The following SOX6 variants were observed in gnomAD, a reference collection of about 807,000 sequenced individuals.
SOX6 encodes the protein transcription factor SOX-6.
SOX6 carries 11 observed loss-of-function variants against 97.8 expected under a neutral mutation model. The observed-to-expected ratio is 0.11, with a 90% CI of 0.07 to 0.19. SOX6 has a LOEUF of 0.19. Among genes scored for constraint, SOX6 ranks in the 10% least tolerant of loss-of-function variants. SOX6 has a pLI of 1.00. For synonymous variants in SOX6, 360 were observed against 371.4 expected (o/e 0.97, Z 0.35); for missense variants, 810 against 1,039.5 (o/e 0.78, Z 3.04).
At chr11:16,193,212 C>T (rs1453129371) in intron 4 of SOX6, among the ~76,000 whole-genome samples, 1 of 152,010 alleles carries the variant, frequency 6.6e-6, no homozygotes, top group Admixed American at 6.6e-5. Flanking sequence ...TCCTTTCTAT[C>T]TCTAATAAAA....
At chr11:16,259,945 A>ATATATGTGTGTGTG (rs3059123) in intron 3 of SOX6, among the ~76,000 whole-genome samples, 2 of 149,038 alleles carry the variant, frequency 1.3e-5, no homozygotes, top group Non-Finnish European at 3.0e-5. Flanking sequence ...TGTCCCAAAT[A>ATATATGTGTGTGTG]TGTGTGTGTG....
intron 3 of SOX6, among the ~76,000 whole-genome samples, chr11:16,698,946 G>A (rs1501453): frequency 5.4e-4 from 83 of 152,308 alleles, no homozygotes; most frequent in African/African-American, 1.9e-3. Context: ...TTGAAATATT[G>A]CAAGAATTAT....
chr11:16,513,989 T>A (rs373747105), intron 4 of SOX6, among the ~76,000 whole-genome samples: 13 of 151,830 alleles, frequency 8.6e-5, no homozygotes, highest in African/African-American at 2.9e-4. Context: ...TGCGGGAGAA[T>A]TGCTTGAGCA....
chr11:16,553,005 A>G (rs1205446266), intron 4 of SOX6, among the ~76,000 whole-genome samples: 4 of 152,258 alleles, frequency 2.6e-5, no homozygotes, highest in Non-Finnish European at 4.4e-5. Flanking sequence ...CATTTTTGAT[A>G]TAAGTATTAC....
chr11:15,995,759 A>ACATATT (rs1854205556), intron 13 of SOX6, among the ~76,000 whole-genome samples: 2 of 152,182 alleles, frequency 1.3e-5, no homozygotes, highest in Non-Finnish European at 2.9e-5. Flanking sequence ...CTTACGGGGA[A>ACATATT]ACAAAATTAC....
intron 4 of SOX6, among the ~76,000 whole-genome samples, chr11:16,490,864 T>C (rs1373494436): frequency 6.6e-6 from 1 of 152,080 alleles, no homozygotes; most frequent in East Asian, 1.9e-4. Context: ...TTGACATATT[T>C]ATAATGGTAC....
At chr11:16,185,371 C>T (rs149053736) in intron 5 of SOX6, among the ~76,000 whole-genome samples, 1 of 152,300 alleles carries the variant, frequency 6.6e-6, no homozygotes, top group East Asian at 1.9e-4. Context: ...ATATTTATTT[C>T]TTCTTAGCAA....
intron 4 of SOX6, among the ~76,000 whole-genome samples, chr11:16,502,816 A>G (rs1860728324): frequency 6.6e-6 from 1 of 152,212 alleles, no homozygotes; most frequent in South Asian, 2.1e-4. Flanking sequence ...TTCATAGCTA[A>G]AAACTCCCCA....
chr11:16,531,895 T>G (rs1861241703), intron 4 of SOX6, among the ~76,000 whole-genome samples: 1 of 151,972 alleles, frequency 6.6e-6, no homozygotes, highest in Non-Finnish European at 1.5e-5. Flanking sequence ...TTTCAAATAT[T>G]TTTCCTCATG....
chr11:16,408,192 T>C (rs1858724931), intron 1 of SOX6, among the ~76,000 whole-genome samples: 2 of 152,198 alleles, frequency 1.3e-5, no homozygotes, highest in African/African-American at 4.8e-5. Flanking sequence ...TAATACTGCA[T>C]TCTAAACAAA....
intron 3 of SOX6, chr11:16,313,281 T>C (rs1855661487): frequency 6.6e-6 from 1 of 152,178 alleles, no homozygotes; most frequent in South Asian, 2.1e-4. Context: ...TACAGATCAG[T>C]TCTTGTAGAT....
chr11:15,982,051 G>A (rs1001299812), intron 15 of SOX6, among the ~76,000 whole-genome samples: 6 of 151,882 alleles, frequency 4.0e-5, no homozygotes, highest in African/African-American at 1.5e-4. Context: ...CCATGTATTA[G>A]TTCCTACAGC....
chr11:16,084,772 T>A (rs1180635057), intron 9 of SOX6, among the ~76,000 whole-genome samples: 1 of 152,194 alleles, frequency 6.6e-6, no homozygotes, highest in Non-Finnish European at 1.5e-5. Flanking sequence ...CAAATCATCA[T>A]CTGATGATAT....
At chr11:16,685,603 C>A (rs1212537254) in intron 3 of SOX6, among the ~76,000 whole-genome samples, 1 of 152,264 alleles carries the variant, frequency 6.6e-6, no homozygotes, top group Non-Finnish European at 1.5e-5. Flanking sequence ...GACAGCTCCA[C>A]CCCTGTGGCT....
intron 6 of SOX6, among the ~76,000 whole-genome samples, chr11:16,163,464 A>G (rs1177742238): frequency 6.6e-6 from 1 of 152,250 alleles, no homozygotes; most frequent in African/African-American, 2.4e-5. Flanking sequence ...TACTGATAGA[A>G]TGTATAATCC....
intron 10 of SOX6, among the ~76,000 whole-genome samples, chr11:16,052,212 A>T (rs924541888): frequency 6.6e-6 from 1 of 151,798 alleles, no homozygotes; most frequent in Non-Finnish European, 1.5e-5. Context: ...TCACCTACCA[A>T]CTCCCAATTA....
At chr11:16,717,918 G>T (rs1848230256) in intron 2 of SOX6, among the ~76,000 whole-genome samples, 2 of 148,204 alleles carry the variant, frequency 1.3e-5, no homozygotes, top group African/African-American at 5.0e-5. Flanking sequence ...ATAAGCTATG[G>T]CAACATCCAT....
intron 1 of SOX6, among the ~76,000 whole-genome samples, chr11:16,426,694 C>T (rs946268959): frequency 8.6e-5 from 13 of 151,804 alleles, no homozygotes; most frequent in African/African-American, 2.9e-4. Context: ...GCGGGCGGAT[C>T]ACGAGGTCAG....
intron 3 of SOX6, among the ~76,000 whole-genome samples, chr11:16,249,052 G>A (rs942618599): frequency 1.3e-5 from 2 of 148,474 alleles, no homozygotes; most frequent in Non-Finnish European, 3.0e-5. Flanking sequence ...AGTGAGCCAA[G>A]ATCGCACCAC....
Sources: allele counts gnomAD v4.1 joint callset (sites outside exome capture counted in the v4.1 genomes callset), GRCh38; gene constraint gnomAD v4.1.1; transcripts MANE v1.5; gene names NCBI Gene and HGNC (gene_info 2026-07-23, HGNC 2026-07-21).